Variants in TMC2 observed in about 807,000 individuals in gnomAD.
The protein encoded by TMC2 is transmembrane channel like 2.
TMC2 carries 102 observed loss-of-function variants against 105.9 expected under a neutral mutation model. The observed-to-expected ratio is 0.96, with a 90% confidence interval of 0.82 to 1.14. The LOEUF (loss-of-function observed/expected upper bound fraction) is 1.14, where lower values mean the gene tolerates loss of function less well. Ranked by LOEUF, TMC2 falls within the 50% of genes most tolerant of loss-of-function variation. TMC2 has a pLI of 0.00. For missense variants in TMC2, 1,093 were observed against 1,134.3 expected (o/e 0.96, Z 0.52); for synonymous variants, 402 against 422.8 (o/e 0.95, Z 0.60).
At chr20:2,577,923 C>T (rs1179722543) in intron 5 of TMC2, among the ~76,000 whole-genome samples, 3 of 151,980 alleles carry the variant, frequency 2.0e-5, no homozygotes, top group Non-Finnish European at 2.9e-5. Context: ...TCATCTTCTG[C>T]TGACTTTATT....
intron 11 of TMC2, among the ~76,000 whole-genome samples, chr20:2,609,983 G>A (rs951812358): frequency 1.8e-4 from 28 of 152,136 alleles, no homozygotes; most frequent in African/African-American, 6.8e-4. Flanking sequence ...AAGTAGCTGG[G>A]ATTACAGGTA....
Position 2,612,287 on chromosome 20 carries a change from C to A in TMC2, c.1690C>A (p.Leu564Met). 1 of 1,607,924 alleles carries A rather than the reference C, an allele frequency of 6.2e-7. No homozygotes were observed. The highest frequency in any genetic ancestry group is 8.5e-7 in the Non-Finnish European group (1 of 1,176,324). The change falls in exon 13 of 20, where the codon CTG becomes ATG. Residue 564 changes from leucine to methionine, a missense_variant. Physicochemically the swap from Leu to Met is conservative, Grantham distance 15. Coordinates refer to ENST00000358864, the MANE Select transcript of TMC2 (RefSeq NM_080751.3). ...GAACGAGAGTGTCCCCCGACCACCCCTGCACCCTGCAGATGTGCCCCGGGG... is the reference window on the plus strand; with the variant it reads ...GAACGAGAGTGTCCCCCGACCACCCATGCACCCTGCAGATGTGCCCCGGGG... ...GWNESVPRPPLHPADVPRGSC... is the reference protein window; with the variant it reads ...GWNESVPRPPMHPADVPRGSC...
At chr20:2,568,267 A>T (rs2122849111) in intron 4 of TMC2, among the ~76,000 whole-genome samples, 1 of 152,310 alleles carries the variant, frequency 6.6e-6, no homozygotes, top group African/African-American at 2.4e-5. Context: ...AAAAAACACA[A>T]TTATAATGAC....
chr20:2,602,199 C>T lies in TMC2; in HGVS notation c.1311C>T (p.Ile437=), dbSNP rs375250500. Residue 437 remains isoleucine, a synonymous_variant, in exon 11 of 20, where the codon ATC becomes ATT. Transcript: ENST00000358864. The stretch of plus-strand genomic sequence containing the variant: ...TTCGTGTCCTGGCCAACTTTCTCAT[C>T]ATCTGCTGTTTGTGTGGAAGTGGGT... ...RFLRVLANFL[I]ICCLCGSGYL... The T allele has an allele frequency of 3.1e-6, 5 of 1,613,558 alleles. No individual in the cohort carries two copies. Among genetic ancestry groups the T allele is most frequent in the Non-Finnish European group, 4.2e-6 (5 of 1,179,818 alleles).
Position 2,641,351 on chromosome 20 carries a change from A to C in TMC2, c.2721A>C (p.Ter907CysextTer44). 1 of 1,608,446 alleles carries C rather than the reference A, an allele frequency of 6.2e-7. No homozygotes were observed. Among genetic ancestry groups the C allele is most frequent in the Non-Finnish European group, 8.5e-7 (1 of 1,175,222 alleles). ...AGAGTGCTCAGAGACCTCCCCACTG[A>C]TGGCTAGGACTCCAGGGAGCCTCGA... is the stretch of plus-strand genomic sequence containing the variant. ...SGKSAQRPPH[*>C] Residue 907 changes from the stop codon to cysteine (C), a stop_lost, in exon 20 of 20, where the codon TGA (stop) becomes TGC (cysteine). Coordinates refer to ENST00000358864, the MANE Select transcript of TMC2 (RefSeq NM_080751.3).
At chr20:2,587,486 A>G (rs1216211764) in intron 7 of TMC2, among the ~76,000 whole-genome samples, 2 of 151,286 alleles carry the variant, frequency 1.3e-5, no homozygotes, top group Non-Finnish European at 2.9e-5. Flanking sequence ...TAATGTTCTT[A>G]TGTTTGGGGA....
Position 2,536,593 on chromosome 20 carries a change from T to C in TMC2, c.-29T>C. On this transcript the variant is annotated 5_prime_UTR_variant, in exon 1 of 20. Coordinates refer to ENST00000358864, the MANE Select transcript of TMC2 (RefSeq NM_080751.3). ...CATACAGGAGCACGCTGCGTGAGCCTGTGCAGGACCCCAGCAGTGCTGCTG... is the reference window on the plus strand; with the variant it reads ...CATACAGGAGCACGCTGCGTGAGCCCGTGCAGGACCCCAGCAGTGCTGCTG... 1 of 1,562,658 alleles carries C rather than the reference T, an allele frequency of 6.4e-7. No individual in the cohort carries two copies. The highest frequency in any genetic ancestry group is 8.7e-7 in the Non-Finnish European group (1 of 1,153,072).
Position 2,616,764 on chromosome 20 carries a change from T to A in TMC2, c.1941-308T>A, listed in dbSNP as rs80092760. ...TACTCTTCTGAGCAGCAATGCTGTT[T>A]TATGGAAACCGAGGAGAAACAGGCA... is the stretch of plus-strand genomic sequence containing the variant. On this transcript the variant is annotated intron_variant, in intron 15 of 19. Coordinates refer to ENST00000358864, the MANE Select transcript of TMC2 (RefSeq NM_080751.3). The surrounding 1 kb of genome is among the most constrained non-coding windows in gnomAD (Gnocchi z 4.8). 2.1e-3 allele frequency among the ~76,000 whole-genome samples: 322 copies of A among 152,334 alleles called. 1 individual carries two copies. Among genetic ancestry groups the A allele is most frequent in the African/African-American group, 7.4e-3 (307 of 41,574 alleles).
chr20:2,575,831 T>A (rs1261621771), intron 5 of TMC2, among the ~76,000 whole-genome samples: 1 of 152,192 alleles, frequency 6.6e-6, no homozygotes, highest in Non-Finnish European at 1.5e-5. Context: ...TTTTCCTCTG[T>A]GTCAATTATA....
At chr20:2,594,802 C>T (rs759337662) in intron 8 of TMC2, 23 bp from the exon 9 acceptor site, 2 of 1,611,610 alleles carry the variant, frequency 1.2e-6, no homozygotes, top group Admixed American at 3.4e-5. Context: ...CAACCCAGAG[C>T]ATTTGGCTTT....
chr20:2,634,877 T>C (rs1214953057), intron 17 of TMC2, among the ~76,000 whole-genome samples: 1 of 152,116 alleles, frequency 6.6e-6, no homozygotes, highest in Non-Finnish European at 1.5e-5. Context: ...GAAGGCTCAC[T>C]TGACAGCCTC....
chr20:2,571,023 G>A (rs1364302679), intron 4 of TMC2, among the ~76,000 whole-genome samples: 2 of 152,120 alleles, frequency 1.3e-5, no homozygotes, highest in Non-Finnish European at 2.9e-5. Flanking sequence ...ATACTTGAAT[G>A]TAAGACCTAA....
At chr20:2,636,297 A>C (rs1011571005) in intron 18 of TMC2, among the ~76,000 whole-genome samples, 2 of 152,212 alleles carry the variant, frequency 1.3e-5, no homozygotes, top group Non-Finnish European at 2.9e-5. Context: ...CAGTATCCAC[A>C]ATAACTCCTA....
chr20:2,597,114 G>A (rs1442645511), intron 9 of TMC2, 37 bp from the exon 10 acceptor site: 3 of 1,591,390 alleles, frequency 1.9e-6, no homozygotes, highest in Non-Finnish European at 1.7e-6. Flanking sequence ...ACAGCAGAAA[G>A]AGGGCAGACG....
At chr20:2,638,102 G>A (rs1471490413) in intron 19 of TMC2, among the ~76,000 whole-genome samples, 1 of 152,206 alleles carries the variant, frequency 6.6e-6, no homozygotes, top group Non-Finnish European at 1.5e-5. Context: ...AGCACTTTGG[G>A]AGGCCGACGC....
chr20:2,610,609 CA>C lies in TMC2; in HGVS notation c.1593+13del. On this transcript the variant is annotated intron_variant, in intron 12 of 19. Coordinates refer to ENST00000358864, the MANE Select transcript of TMC2 (RefSeq NM_080751.3). The stretch of plus-strand genomic sequence containing the variant: ...GACGTCCACCTCAAGGTAAAAACCA[CA>C]ACACCCCCCACCCCACTGCAATTCC... 3.9e-6 allele frequency: 6 copies of C among 1,556,682 alleles called. No individual in the cohort carries two copies. Among genetic ancestry groups the C allele is most frequent in the Non-Finnish European group, 5.2e-6 (6 of 1,146,150 alleles).
At chr20:2,602,956 T>G (rs1165469662) in intron 11 of TMC2, among the ~76,000 whole-genome samples, 1 of 152,244 alleles carries the variant, frequency 6.6e-6, no homozygotes, top group Non-Finnish European at 1.5e-5. Context: ...TCATGTGACT[T>G]GGTTTAGCCA....
rs772680064 is a variant in TMC2, at chr20:2,592,452, A to C, written c.933+44A>C. On this transcript the variant is annotated intron_variant, in intron 8 of 19. Transcript: ENST00000358864. The surrounding 1 kb of genome is among the most constrained non-coding windows in gnomAD (Gnocchi z 4.9). ...CAATGAACTTCCATTTGTGATTATA[A>C]AGGCTAAAGATTGCATGGATAAGTA... is the stretch of plus-strand genomic sequence containing the variant. The C allele has an allele frequency of 3.8e-6, 5 of 1,304,612 alleles. No homozygotes were observed. In the African/African-American group the frequency reaches 7.3e-5, roughly 19 times the overall value. The allele number at this position is 1,304,612 out of a possible 1,614,324, so 80.8% of individuals were successfully genotyped here. A position where few individuals can be genotyped will look rare whatever the true frequency, so the allele number is the denominator to read the frequency against.
chr20:2,633,603 GAGT>G (rs746809795), intron 17 of TMC2, among the ~76,000 whole-genome samples: 5 of 152,236 alleles, frequency 3.3e-5, no homozygotes, highest in Non-Finnish European at 7.3e-5. Flanking sequence ...ATAGCCTTGT[GAGT>G]AGTATCAACC....
Sources: gnomAD v4.1 joint callset for allele counts (sites outside exome capture counted in the v4.1 genomes callset) on GRCh38, gnomAD v4.1.1 for gene constraint, Gnocchi (gnomAD v3.1) non-coding constraint, MANE v1.5 for transcripts, NCBI Gene and HGNC (gene_info 2026-07-23, HGNC 2026-07-21) for gene names.